Variants in PCDHGA4 observed in about 807,000 individuals in gnomAD.
PCDHGA4 encodes the protein protocadherin gamma subfamily A, 4.
In PCDHGA4, 38 loss-of-function variants were observed where a neutral mutation model predicts 54.6. The observed-to-expected ratio is 0.70, with a 90% CI of 0.54 to 0.91. The LOEUF is 0.91. Ranked by LOEUF, PCDHGA4 falls within the 40% of genes least tolerant of loss-of-function variation. The pLI is 0.00. For missense variants in PCDHGA4, 1,298 were observed against 1,220.9 expected (o/e 1.06, Z -0.94); for synonymous variants, 511 against 512.9 (o/e 1.00, Z 0.05).
intron 1 of PCDHGA4, 102 bp from the exon 2 acceptor site, chr5:141,494,705 G>A (rs2099756254): frequency 1.3e-6 from 2 of 1,597,990 alleles, no homozygotes; most frequent in East Asian, 2.2e-5. Context: ...TTTCTTCTCT[G>A]TGCCCACTCC....
intron 1 of PCDHGA4, among the ~76,000 whole-genome samples, chr5:141,465,279 C>T (rs975247599): frequency 3.3e-5 from 5 of 152,028 alleles, no homozygotes; most frequent in South Asian, 2.1e-4. Flanking sequence ...TTTAGTTCAC[C>T]CCTAAAGAAC....
intron 1 of PCDHGA4, chr5:141,411,968 T>C (rs1257112227): frequency 6.6e-6 from 1 of 152,260 alleles, no homozygotes; most frequent in Non-Finnish European, 1.5e-5. Flanking sequence ...GATAAAATCT[T>C]TGAAGAGTTC....
At chr5:141,501,326 CACACACA>C (rs1562200783) in intron 2 of PCDHGA4, among the ~76,000 whole-genome samples, 10 of 151,784 alleles carry the variant, frequency 6.6e-5, no homozygotes, top group African/African-American at 1.9e-4. Flanking sequence ...CACACACACA[CACACACA>C]CCCCAAACTC....
chr5:141,476,046 C>T lies in PCDHGA4; in HGVS notation c.2515-18761C>T. 6.7e-7 allele frequency: 1 copy of T among 1,491,396 alleles called. No individual in the cohort carries two copies. Among genetic ancestry groups the T allele is most frequent in the Non-Finnish European group, 8.9e-7 (1 of 1,122,928 alleles). 92.4% of individuals were successfully genotyped at this position (1,491,396 alleles called of 1,614,324 possible). On this transcript the variant is annotated intron_variant, in intron 1 of 3. Coordinates refer to ENST00000571252, the MANE Select transcript of PCDHGA4 (RefSeq NM_018917.4). This position sits in a 1 kb window ranked among gnomAD's most constrained non-coding sequence, Gnocchi z 7.6. ...CGGCGCCCAGCGCCCAAGCGCTAAC[C>T]CGCTGAAAGTTTCTCAGCGAAATCT...
At chr5:141,393,050 G>A (rs1270447503) in intron 1 of PCDHGA4, 2 of 1,613,668 alleles carry the variant, frequency 1.2e-6, no homozygotes, top group East Asian at 2.2e-5. Flanking sequence ...CTCTGAACCC[G>A]CGCAGCGGCA....
At position 141,432,202 on chromosome 5, in the gene PCDHGA4, T is replaced by C; in HGVS notation, c.2515-62605T>C. 1 of 1,614,120 alleles carries C rather than the reference T, an allele frequency of 6.2e-7. No homozygotes were observed. The highest frequency in any genetic ancestry group is 1.1e-5 in the South Asian group (1 of 91,072). ...CTGTGACCGCCCACGACCCCGACTGTGAAGAGAACGCCCAGATCACTTATT... is the reference window on the plus strand; with the variant it reads ...CTGTGACCGCCCACGACCCCGACTGCGAAGAGAACGCCCAGATCACTTATT... On this transcript the variant is annotated intron_variant, in intron 1 of 3. Coordinates refer to ENST00000571252, the MANE Select transcript of PCDHGA4 (RefSeq NM_018917.4). The surrounding 1 kb of genome is among the most constrained non-coding windows in gnomAD (Gnocchi z 6.0).
chr5:141,384,248 C>T (rs1443335110), intron 1 of PCDHGA4: 2 of 1,613,866 alleles, frequency 1.2e-6, no homozygotes, highest in South Asian at 2.2e-5. Flanking sequence ...GATAACCCAC[C>T]CACCTTCCCC....
intron 1 of PCDHGA4, chr5:141,408,082 G>C (rs890768118): frequency 2.1e-6 from 3 of 1,417,248 alleles, no homozygotes; most frequent in Non-Finnish European, 1.9e-6. Flanking sequence ...TCCCAGCACA[G>C]CGGATTGCCA....
In PCDHGA4 at chr5:141,355,702, C is replaced by T. The variant is rs1051426274; in HGVS notation, c.595C>T (p.Gln199Ter). The T allele has an allele frequency of 3.3e-5, 53 of 1,613,866 alleles. No homozygotes were observed. Among genetic ancestry groups the T allele is most frequent in the Non-Finnish European group, 4.4e-5 (52 of 1,179,892 alleles). ...TCCGGATGTAGGTGTAAACTCCCTG[C>T]AGGGTTACCAGCTCAACTCAAACGG... ...FDPDVGVNSL[Q>*]GYQLNSNGYF... Residue 199 changes from glutamine to a stop codon, truncating the protein, a stop_gained, in exon 1 of 4, where the codon CAG becomes TAG. Transcript: ENST00000571252. LOFTEE classifies it high-confidence loss of function.
intron 1 of PCDHGA4, chr5:141,365,776 C>A (rs764374830): frequency 6.2e-7 from 1 of 1,613,892 alleles, no homozygotes; most frequent in East Asian, 2.2e-5. Flanking sequence ...CCGACAGCGG[C>A]GACAACGCTC....
At chr5:141,458,496 A>G (rs905073741) in intron 1 of PCDHGA4, among the ~76,000 whole-genome samples, 1 of 151,694 alleles carries the variant, frequency 6.6e-6, no homozygotes, top group Non-Finnish European at 1.5e-5. Flanking sequence ...CTGCCTGTAC[A>G]TACTGTTTGA....
At chr5:141,418,347 G>A in intron 1 of PCDHGA4, 1 of 1,614,024 alleles carries the variant, frequency 6.2e-7, no homozygotes, top group Non-Finnish European at 8.5e-7. Flanking sequence ...CCTGATATTA[G>A]TATGAATTCG....
chr5:141,405,514 A>C, intron 1 of PCDHGA4: 1 of 704,834 alleles, frequency 1.4e-6, no homozygotes, highest in Non-Finnish European at 2.3e-6. Context: ...CCGCCTCCCA[A>C]ATTCAAGCGA....
At chr5:141,362,297 C>G in intron 1 of PCDHGA4, 1 of 1,614,082 alleles carries the variant, frequency 6.2e-7, no homozygotes, top group Non-Finnish European at 8.5e-7. Flanking sequence ...TCTTCCAGGT[C>G]AGATGCTTGG....
At chr5:141,478,305 C>G in intron 1 of PCDHGA4, 1 of 1,614,092 alleles carries the variant, frequency 6.2e-7, no homozygotes, top group Non-Finnish European at 8.5e-7. Context: ...TACCGAGCCC[C>G]GGTGAGCTCA....
In PCDHGA4 at chr5:141,478,136, C is replaced by G. The variant is rs529858044; in HGVS notation, c.2515-16671C>G. 1.4e-4 allele frequency: 218 copies of G among 1,614,048 alleles called. 3 individuals are homozygous for G. The South Asian group carries it at 2.2e-3, about 17-fold the overall frequency. ...AGTAACCGAGGACTCTCCTGAAGCC[C>G]GAGCCGAGTTCCCCTCTGGCTCTGC... is the stretch of plus-strand genomic sequence containing the variant. On this transcript the variant is annotated intron_variant, in intron 1 of 3. Coordinates refer to ENST00000571252, the MANE Select transcript of PCDHGA4 (RefSeq NM_018917.4).
intron 1 of PCDHGA4, chr5:141,396,659 A>G (rs2093416733): frequency 6.6e-6 from 1 of 151,984 alleles, no homozygotes; most frequent in African/African-American, 2.4e-5. Context: ...AAAACTCGGT[A>G]TAGGCTATCC....
chr5:141,433,076 C>T, intron 1 of PCDHGA4: 1 of 1,614,188 alleles, frequency 6.2e-7, no homozygotes, highest in Non-Finnish European at 8.5e-7. Context: ...CTTCCCCCAG[C>T]CCAACTATGC....
At chr5:141,399,237 A>C in intron 1 of PCDHGA4, 1 of 1,614,002 alleles carries the variant, frequency 6.2e-7, no homozygotes, top group Non-Finnish European at 8.5e-7. Flanking sequence ...TACATGACCA[A>C]GATTCTGGGG....
Sources: gnomAD v4.1 joint callset for allele counts (sites outside exome capture counted in the v4.1 genomes callset) on GRCh38, gnomAD v4.1.1 for gene constraint, Gnocchi (gnomAD v3.1) non-coding constraint, MANE v1.5 for transcripts, NCBI Gene and HGNC (gene_info 2026-07-23, HGNC 2026-07-21) for gene names.